MEF2C: variants seen among roughly 807,000 people sequenced by gnomAD.
MEF2C encodes the protein myocyte-specific enhancer factor 2C.
MEF2C carries 6 observed loss-of-function variants against 50.5 expected under a neutral mutation model. The ratio of observed to expected loss-of-function variants is 0.12; its 90% CI spans 0.07 to 0.23. MEF2C has a LOEUF of 0.23. Ranked by LOEUF, MEF2C falls within the 10% of genes least tolerant of loss-of-function variation. The pLI is 1.00. For missense variants in MEF2C, 276 were observed against 605.0 expected (o/e 0.46, Z 5.70); for synonymous variants, 183 against 228.0 (o/e 0.80, Z 1.78).
At chr5:88,779,928 T>A (rs896495357) in intron 3 of MEF2C, among the ~76,000 whole-genome samples, 2 of 152,000 alleles carry the variant, frequency 1.3e-5, no homozygotes, top group African/African-American at 4.8e-5. Context: ...GTGGGTCACT[T>A]GAGGTCAGGA....
At chr5:88,745,263 C>T (rs1241854075) in intron 6 of MEF2C, among the ~76,000 whole-genome samples, 1 of 152,160 alleles carries the variant, frequency 6.6e-6, no homozygotes, top group Admixed American at 6.5e-5. Context: ...GAGAGATGTG[C>T]CCAGATGTTG....
At chr5:88,800,810 T>C (rs1295318623) in intron 3 of MEF2C, among the ~76,000 whole-genome samples, 2 of 152,186 alleles carry the variant, frequency 1.3e-5, no homozygotes, top group African/African-American at 4.8e-5. Flanking sequence ...ACAATAACTG[T>C]TTTTGTTTTT....
At chr5:88,773,748 T>C (rs1158141744) in intron 3 of MEF2C, among the ~76,000 whole-genome samples, 1 of 152,168 alleles carries the variant, frequency 6.6e-6, no homozygotes, top group Admixed American at 6.5e-5. Context: ...ATCCAAATGT[T>C]CCCCCTTGAA....
chr5:88,893,262 G>T (rs777673976), intron 1 of MEF2C, among the ~76,000 whole-genome samples: 2 of 151,968 alleles, frequency 1.3e-5, no homozygotes, highest in African/African-American at 4.8e-5. Context: ...AAGAGCTACC[G>T]CATGGCAAAA....
chr5:88,819,267 T>C (rs1807101789), intron 2 of MEF2C: 1 of 848,196 alleles, frequency 1.2e-6, no homozygotes, highest in South Asian at 5.4e-5. Flanking sequence ...CATCATGACA[T>C]AATTTTAAAA....
chr5:88,855,840 G>T (rs765271729), intron 1 of MEF2C, among the ~76,000 whole-genome samples: 6 of 152,152 alleles, frequency 3.9e-5, no homozygotes, highest in Non-Finnish European at 8.8e-5. Context: ...CCCAGTCTCA[G>T]GTATTTCTTC....
intron 6 of MEF2C, chr5:88,743,269 A>G: frequency 7.1e-6 from 7 of 985,100 alleles, no homozygotes; most frequent in Non-Finnish European, 7.2e-6. Context: ...CAAAAAATGC[A>G]AACTTGTTAA....
At chr5:88,803,197 A>T (rs1055804863) in intron 3 of MEF2C, among the ~76,000 whole-genome samples, 4 of 152,256 alleles carry the variant, frequency 2.6e-5, no homozygotes, top group African/African-American at 9.6e-5. Flanking sequence ...CACAATTCAA[A>T]TTATCAATGA....
At chr5:88,738,965 G>A (rs1259046884) in intron 6 of MEF2C, 8 of 980,700 alleles carry the variant, frequency 8.2e-6, no homozygotes, top group Admixed American at 6.1e-5. Flanking sequence ...GCTATTTTGA[G>A]TGGATGATTA....
chr5:88,849,122 G>C (rs1010067426), intron 1 of MEF2C, among the ~76,000 whole-genome samples: 5 of 130,406 alleles, frequency 3.8e-5, no homozygotes, highest in Non-Finnish European at 6.2e-5. Context: ...GTGCACTCCA[G>C]ATTGGGCAAC....
intron 7 of MEF2C, among the ~76,000 whole-genome samples, 164 bp from the exon 8 acceptor site, chr5:88,730,398 T>G (rs1432565401): frequency 6.6e-6 from 1 of 152,204 alleles, no homozygotes; most frequent in African/African-American, 2.4e-5. Context: ...CATTCTTTGT[T>G]TCCCTTAATG....
rs66505441 is a variant in MEF2C at position 88,734,565 on chromosome 5, G to GTTTTTTTTTTT, written c.638-2675_638-2665dup. ...TTCACGGAGGCCTTGAGAAAAGTTT[G>GTTTTTTTTTTT]TTTTTTTTTTTTTTTTTTTTTTTTT... On this transcript the variant is annotated intron_variant, in intron 6 of 10. Transcript: ENST00000504921. 1,321 of 541,216 alleles carry GTTTTTTTTTTT rather than the reference G, an allele frequency of 2.4e-3. 94 individuals are homozygous for GTTTTTTTTTTT. Among genetic ancestry groups the GTTTTTTTTTTT allele is most frequent in the African/African-American group, 3.0e-3 (65 of 21,566 alleles). The allele number at this position is 541,216 out of a possible 1,614,324, so 33.5% of individuals were successfully genotyped here.
chr5:88,796,197 T>C lies in MEF2C; in HGVS notation c.258+8401A>G, dbSNP rs145328284. On this transcript the variant is annotated intron_variant, in intron 3 of 10. Transcript: ENST00000504921. ...GTCCCTCTTTTTTTATTATTTGGAATAGTTTCAGAAGGAATGGTACCAGCT... is the reference window on the plus strand; with the variant it reads ...GTCCCTCTTTTTTTATTATTTGGAACAGTTTCAGAAGGAATGGTACCAGCT... 4.5e-3 allele frequency among the ~76,000 whole-genome samples: 684 copies of C among 152,284 alleles called. 6 individuals carry two copies. The highest frequency in any genetic ancestry group is 0.015 in the African/African-American group (643 of 41,536).
intron 1 of MEF2C, among the ~76,000 whole-genome samples, chr5:88,867,480 A>G (rs1283039368): frequency 6.6e-6 from 1 of 152,172 alleles, no homozygotes; most frequent in Admixed American, 6.5e-5. Context: ...TAGTAACTGC[A>G]CCTACCTCAT....
chr5:88,746,466 A>G, intron 6 of MEF2C: 1 of 942,878 alleles, frequency 1.1e-6, no homozygotes, highest in Non-Finnish European at 1.3e-6. Context: ...TAACAAAGTG[A>G]GATGACTTGA....
intron 6 of MEF2C, chr5:88,739,416 A>T (rs1581539221): frequency 6.2e-6 from 6 of 960,538 alleles, no homozygotes; most frequent in Non-Finnish European, 7.4e-6. Context: ...ATACATAATA[A>T]TGCTCACTAT....
chr5:88,780,547 A>C (rs1281283784), intron 3 of MEF2C, among the ~76,000 whole-genome samples: 2 of 152,222 alleles, frequency 1.3e-5, no homozygotes, highest in African/African-American at 4.8e-5. Flanking sequence ...ATTAAGCCAC[A>C]TGTGTAATAC....
At chr5:88,902,996 C>T (rs1251232345) in intron 1 of MEF2C, among the ~76,000 whole-genome samples, 2 of 151,634 alleles carry the variant, frequency 1.3e-5, no homozygotes, top group Admixed American at 6.6e-5. Context: ...TACTATAATA[C>T]AACAATTTGT....
intron 6 of MEF2C, among the ~76,000 whole-genome samples, chr5:88,748,435 G>A (rs34325695): frequency 0.018 from 2,731 of 152,226 alleles, 32 homozygotes; most frequent in Non-Finnish European, 0.029. Context: ...AAATGACATC[G>A]ATATCTCAAT....
Sources: allele counts gnomAD v4.1 joint callset (sites outside exome capture counted in the v4.1 genomes callset), GRCh38; gene constraint gnomAD v4.1.1; transcripts MANE v1.5; gene names NCBI Gene and HGNC (gene_info 2026-07-23, HGNC 2026-07-21).